The following FBXL7 variants were observed in gnomAD, a reference collection of about 807,000 sequenced individuals.
FBXL7 encodes F-box/LRR-repeat protein 7.
In FBXL7, 12 loss-of-function variants were observed where a neutral mutation model predicts 38.3. The ratio of observed to expected loss-of-function variants is 0.31; its 90% CI spans 0.20 to 0.51. FBXL7 has a LOEUF of 0.51. Among genes scored for constraint, FBXL7 ranks in the 20% least tolerant of loss-of-function variants. The probability of loss-of-function intolerance (pLI) is 0.98; values close to 1 mark genes in which losing one functional copy is unlikely to be tolerated. For synonymous variants in FBXL7, 297 were observed against 300.9 expected (o/e 0.99, Z 0.13); for missense variants, 567 against 676.4 (o/e 0.84, Z 1.79).
chr5:15,794,126 G>C (rs976294421), intron 2 of FBXL7, among the ~76,000 whole-genome samples: 3 of 152,200 alleles, frequency 2.0e-5, no homozygotes, highest in Admixed American at 6.5e-5. Flanking sequence ...ACAGCAAGGG[G>C]ATAAGCATTC....
intron 2 of FBXL7, among the ~76,000 whole-genome samples, chr5:15,820,023 A>G (rs1738128795): frequency 6.6e-6 from 1 of 152,208 alleles, no homozygotes. Context: ...ATGAAAACTG[A>G]CCAGCTCTGT....
intron 2 of FBXL7, among the ~76,000 whole-genome samples, chr5:15,629,843 A>G (rs1386176657): frequency 2.0e-5 from 3 of 152,318 alleles, no homozygotes; most frequent in East Asian, 3.9e-4. Context: ...AACTTTTCCA[A>G]CTATAATCAT....
intron 2 of FBXL7, among the ~76,000 whole-genome samples, chr5:15,682,003 TAGTC>T (rs1413884247): frequency 6.6e-6 from 1 of 152,244 alleles, no homozygotes; most frequent in Non-Finnish European, 1.5e-5. Context: ...AGGTCTGCGT[TAGTC>T]AGAATACACT....
At chr5:15,715,383 C>A (rs758526714) in intron 2 of FBXL7, among the ~76,000 whole-genome samples, 17 of 148,602 alleles carry the variant, frequency 1.1e-4, no homozygotes, top group Non-Finnish European at 2.2e-4. Context: ...TCCAGCTACT[C>A]GGGAGGCTGA....
At chr5:15,658,011 C>T (rs1384626397) in intron 2 of FBXL7, among the ~76,000 whole-genome samples, 1 of 151,950 alleles carries the variant, frequency 6.6e-6, no homozygotes, top group Non-Finnish European at 1.5e-5. Context: ...TTAAGATGTA[C>T]CTTGTAAACT....
intron 3 of FBXL7, among the ~76,000 whole-genome samples, chr5:15,931,098 T>C (rs1742026274): frequency 6.6e-6 from 1 of 152,262 alleles, no homozygotes; most frequent in Non-Finnish European, 1.5e-5. Flanking sequence ...TCTGGGAAGC[T>C]ATCTTTAAAG....
At chr5:15,901,305 T>TCTACCAC (rs1741227628) in intron 2 of FBXL7, among the ~76,000 whole-genome samples, 1 of 152,218 alleles carries the variant, frequency 6.6e-6, no homozygotes, top group Non-Finnish European at 1.5e-5. Context: ...CTTCTGACTG[T>TCTACCAC]GTCTTCACGT....
intron 2 of FBXL7, among the ~76,000 whole-genome samples, chr5:15,922,969 T>TATTCA (rs1329920172): frequency 6.6e-6 from 1 of 152,220 alleles, no homozygotes; most frequent in Non-Finnish European, 1.5e-5. Context: ...CATGAAAGTA[T>TATTCA]GTTCATACCT....
At chr5:15,750,179 A>G (rs934676145) in intron 2 of FBXL7, among the ~76,000 whole-genome samples, 13 of 152,262 alleles carry the variant, frequency 8.5e-5, no homozygotes, top group African/African-American at 2.4e-4. Context: ...CAAAGAATTT[A>G]TATAGTGATG....
chr5:15,635,459 T>TA (rs1466190129), intron 2 of FBXL7, among the ~76,000 whole-genome samples: 2 of 152,264 alleles, frequency 1.3e-5, no homozygotes, highest in Admixed American at 1.3e-4. Flanking sequence ...CATGTTCTGT[T>TA]AGTCATAGCA....
At chr5:15,651,696 A>C (rs1360616374) in intron 2 of FBXL7, among the ~76,000 whole-genome samples, 1 of 152,240 alleles carries the variant, frequency 6.6e-6, no homozygotes, top group African/African-American at 2.4e-5. Context: ...AGCATAATTC[A>C]TCAGAGCCCT....
chr5:15,830,767 G>A (rs996381867), intron 2 of FBXL7, among the ~76,000 whole-genome samples: 27 of 152,232 alleles, frequency 1.8e-4, no homozygotes, highest in African/African-American at 6.5e-4. Context: ...GGCCAGTTTT[G>A]CTCCCTATTG....
At chr5:15,597,551 C>T (rs545383271) in intron 1 of FBXL7, among the ~76,000 whole-genome samples, 17 of 143,008 alleles carry the variant, frequency 1.2e-4, no homozygotes, top group South Asian at 4.6e-4. Flanking sequence ...TTAATTTCAA[C>T]GAGTTGAAGG....
At chr5:15,793,948 C>T (rs1422387015) in intron 2 of FBXL7, among the ~76,000 whole-genome samples, 3 of 152,224 alleles carry the variant, frequency 2.0e-5, no homozygotes, top group Admixed American at 1.3e-4. Context: ...TTATCCTGCC[C>T]ACACTATGCA....
At chr5:15,825,427 C>T (rs1401874978) in intron 2 of FBXL7, among the ~76,000 whole-genome samples, 1 of 151,970 alleles carries the variant, frequency 6.6e-6, no homozygotes, top group Non-Finnish European at 1.5e-5. Flanking sequence ...TTCATTAAAA[C>T]ACCATATACA....
intron 1 of FBXL7, among the ~76,000 whole-genome samples, chr5:15,533,775 A>T (rs188674824): frequency 6.6e-6 from 1 of 152,252 alleles, no homozygotes; most frequent in Non-Finnish European, 1.5e-5. Context: ...TGATGTGGAT[A>T]ATCTTGGAAG....
At chr5:15,534,788 A>G (rs965925962) in intron 1 of FBXL7, among the ~76,000 whole-genome samples, 25 of 152,134 alleles carry the variant, frequency 1.6e-4, no homozygotes, top group Admixed American at 1.3e-4. Context: ...AGTGAATGAG[A>G]GTTCTTGTTG....
At chr5:15,533,989 T>G (rs1737507864) in intron 1 of FBXL7, among the ~76,000 whole-genome samples, 1 of 152,176 alleles carries the variant, frequency 6.6e-6, no homozygotes, top group East Asian at 1.9e-4. Context: ...TGTTTATTAC[T>G]TAAATCTATT....
chr5:15,905,522 G>A lies in FBXL7; in HGVS notation c.128-22368G>A, dbSNP rs1303297597. Among the ~76,000 whole-genome samples the A allele has an allele frequency of 2.6e-5, 4 of 151,036 alleles. No individual in the cohort carries two copies. In the East Asian group the frequency reaches 7.8e-4, roughly 29 times the overall value. The stretch of plus-strand genomic sequence containing the variant: ...TAAATAATTAATATGGAAAAATGGT[G>A]TTGTTTTTTTTTTTGTATCTTCAGT... On this transcript the variant is annotated intron_variant, in intron 2 of 3. Transcript: ENST00000504595.
Sources: allele counts gnomAD v4.1 joint callset (sites outside exome capture counted in the v4.1 genomes callset), GRCh38; gene constraint gnomAD v4.1.1; transcripts MANE v1.5; gene names NCBI Gene and HGNC (gene_info 2026-07-23, HGNC 2026-07-21).